PEX5: variants seen among roughly 807,000 people sequenced by gnomAD.
PEX5 encodes the protein peroxisomal biogenesis factor 5, also known as PTS1 receptor.
PEX5 carries 52 observed loss-of-function variants against 82.9 expected under a neutral mutation model. The ratio of observed to expected loss-of-function variants is 0.63; its 90% CI spans 0.50 to 0.79. The LOEUF is 0.79. Ranked by LOEUF, PEX5 falls within the 30% of genes least tolerant of loss-of-function variation. PEX5 has a pLI of 0.00. For missense variants in PEX5, 719 were observed against 815.2 expected, an observed-to-expected ratio of 0.88 and a Z score of 1.44; for synonymous variants, 300 against 318.8, an observed-to-expected ratio of 0.94 and a Z score of 0.63.
chr12:7,215,976 T>A (rs74812185), downstream of PEX5, among the ~76,000 whole-genome samples: 20,624 of 151,532 alleles, frequency 0.14, 1,743 homozygotes, highest in Non-Finnish European at 0.18. Flanking sequence ...TAAAAAAAAA[T>A]TTTTTTTTGA....
At chr12:7,200,142 T>C (rs1227531148) in intron 6 of PEX5, among the ~76,000 whole-genome samples, 2 of 135,952 alleles carry the variant, frequency 1.5e-5, no homozygotes, top group African/African-American at 2.8e-5. Context: ...ACGGGGCGGC[T>C]GCCGGGCAGA....
At chr12:7,213,820 C>CT (rs1238813630), downstream of PEX5, among the ~76,000 whole-genome samples, 1 of 150,490 alleles carries the variant, frequency 6.6e-6, no homozygotes, top group African/African-American at 2.4e-5. Context: ...TTTTCGCAAC[C>CT]TACTCATCTG....
At chr12:7,205,685 C>G (rs1009846054) in intron 10 of PEX5, among the ~76,000 whole-genome samples, 3 of 152,142 alleles carry the variant, frequency 2.0e-5, no homozygotes, top group Non-Finnish European at 4.4e-5. Flanking sequence ...CCAGAGTACT[C>G]TTTTTCCATC....
intron 10 of PEX5, among the ~76,000 whole-genome samples, chr12:7,205,705 A>G (rs1425298753): frequency 6.6e-6 from 1 of 152,166 alleles, no homozygotes; most frequent in Non-Finnish European, 1.5e-5. Flanking sequence ...CATCTATGCA[A>G]ATATTCTAAT....
chr12:7,214,449 A>G (rs189492718), downstream of PEX5, among the ~76,000 whole-genome samples: 188 of 151,784 alleles, frequency 1.2e-3, 1 homozygote, highest in African/African-American at 4.4e-3. Flanking sequence ...AATCATTCTC[A>G]GTAAACTATC....
chr12:7,196,399 T>C (rs886493075), intron 5 of PEX5, among the ~76,000 whole-genome samples: 1 of 137,292 alleles, frequency 7.3e-6, no homozygotes, highest in Non-Finnish European at 1.5e-5. Context: ...GTCATACATA[T>C]ATGTGTCATA....
At chr12:7,207,219 G>A (rs1485935863) in intron 10 of PEX5, among the ~76,000 whole-genome samples, 1 of 152,110 alleles carries the variant, frequency 6.6e-6, no homozygotes, top group Non-Finnish European at 1.5e-5. Context: ...TTGAATAGCA[G>A]GACTCCAAAC....
intron 15 of PEX5, 23 bp downstream of exon 15, chr12:7,209,863 G>C: frequency 6.2e-7 from 1 of 1,613,682 alleles, no homozygotes; most frequent in Non-Finnish European, 8.5e-7. Flanking sequence ...ATTGAGAAAT[G>C]AATGAATGAG....
At chr12:7,207,874 T>G (rs180681575) in intron 11 of PEX5, 72 bp downstream of exon 11, 1 of 1,572,194 alleles carries the variant, frequency 6.4e-7, no homozygotes, top group Non-Finnish European at 8.8e-7. Context: ...CCAAGGAGAG[T>G]AGTGCAGATG....
At chr12:7,207,844 C>T (rs1157780901) in intron 11 of PEX5, 42 bp downstream of exon 11, 3 of 1,609,042 alleles carry the variant, frequency 1.9e-6, no homozygotes, top group Admixed American at 1.7e-5. Context: ...GAGACTGCTT[C>T]CTCCATCTTG....
chr12:7,195,147 T>A lies in PEX5; in HGVS notation c.448+3447T>A, dbSNP rs572274022. ...AACTTTCATGAGTAAGAGTAGCAAG[T>A]TCTGAGTTTTTGACTTTTGAGCTTG... is the stretch of plus-strand genomic sequence containing the variant. On this transcript the variant is annotated intron_variant, in intron 5 of 15. Transcript: ENST00000675855. 2.2e-4 allele frequency among the ~76,000 whole-genome samples: 34 copies of A among 152,296 alleles called. No individual in the cohort carries two copies. The South Asian group carries it at 7.0e-3, about 32-fold the overall frequency.
At chr12:7,191,436 G>A in intron 4 of PEX5, 78 bp downstream of exon 4, 1 of 1,603,990 alleles carries the variant, frequency 6.2e-7, no homozygotes, top group East Asian at 2.2e-5. Context: ...ATTGGATGCT[G>A]CTGGCATTGG....
chr12:7,190,713 A>G (rs1159742174), intron 2 of PEX5, 175 bp from the exon 3 acceptor site: 1 of 1,389,848 alleles, frequency 7.2e-7, no homozygotes, highest in African/African-American at 1.4e-5. Context: ...TGTGTTGCAA[A>G]TCATAGTAGT....
At chr12:7,209,997 C>T (rs1945347071) in intron 15 of PEX5, 25 bp from the exon 16 acceptor site, 4 of 1,612,328 alleles carry the variant, frequency 2.5e-6, no homozygotes, top group Middle Eastern at 1.7e-4. Flanking sequence ...AGCTTAACAG[C>T]TCTCATTCCT....
At chr12:7,207,831 C>G in intron 11 of PEX5, 29 bp downstream of exon 11, 1 of 1,611,376 alleles carries the variant, frequency 6.2e-7, no homozygotes, top group Non-Finnish European at 8.5e-7. Flanking sequence ...TCATTTCTGG[C>G]TAGAGACTGC....
At chr12:7,194,352 T>G (rs1236192592) in intron 5 of PEX5, among the ~76,000 whole-genome samples, 2 of 152,204 alleles carry the variant, frequency 1.3e-5, no homozygotes, top group Admixed American at 6.5e-5. Flanking sequence ...CTGTATACCC[T>G]TCACCCAGTC....
intron 10 of PEX5, among the ~76,000 whole-genome samples, chr12:7,205,258 A>G (rs1353229074): frequency 1.3e-5 from 2 of 151,964 alleles, no homozygotes; most frequent in African/African-American, 4.8e-5. Context: ...AGGACTAGAA[A>G]TACTTGCATT....
chr12:7,190,853 C>A, intron 2 of PEX5, 35 bp from the exon 3 acceptor site: 1 of 1,604,702 alleles, frequency 6.2e-7, no homozygotes, highest in Non-Finnish European at 8.5e-7. Flanking sequence ...TTTAGAGGAA[C>A]TGCGTCATTG....
At chr12:7,208,931 G>A in intron 13 of PEX5, 74 bp from the exon 14 acceptor site, 1 of 1,334,174 alleles carries the variant, frequency 7.5e-7, no homozygotes, top group Non-Finnish European at 1.1e-6. Context: ...GTTGATCAAT[G>A]AAGAAATTAA....
Sources: allele counts gnomAD v4.1 joint callset (sites outside exome capture counted in the v4.1 genomes callset), GRCh38; gene constraint gnomAD v4.1.1; transcripts MANE v1.5; gene names NCBI Gene and HGNC (gene_info 2026-07-23, HGNC 2026-07-21).